The following CLVS1 variants were observed in gnomAD, a reference collection of about 807,000 sequenced individuals.
The protein encoded by CLVS1 is clavesin-1.
CLVS1 carries 10 observed loss-of-function variants against 33.1 expected under a neutral mutation model. That is an observed-to-expected ratio of 0.30 (90% confidence interval 0.19 to 0.51). The LOEUF (loss-of-function observed/expected upper bound fraction) is 0.51. Among genes scored for constraint, CLVS1 ranks in the 20% least tolerant of loss-of-function variants. CLVS1 has a pLI of 0.97. For synonymous variants in CLVS1, 163 were observed against 166.1 expected (o/e 0.98, Z 0.14); for missense variants, 343 against 433.4 (o/e 0.79, Z 1.85).
chr8:61,405,347 T>A (rs777923984), intron 3 of CLVS1, among the ~76,000 whole-genome samples: 1 of 152,174 alleles, frequency 6.6e-6, no homozygotes, highest in Non-Finnish European at 1.5e-5. Flanking sequence ...GGTGTTTAAG[T>A]GTAAAAAGCA....
At chr8:61,492,652 C>T (rs1388570915) in intron 5 of CLVS1, among the ~76,000 whole-genome samples, 1 of 152,184 alleles carries the variant, frequency 6.6e-6, no homozygotes, top group Non-Finnish European at 1.5e-5. Flanking sequence ...ATTTGGCTCA[C>T]TCTAAAAATA....
chr8:61,222,430 A>T (rs532243402), intron 2 of CLVS1, among the ~76,000 whole-genome samples: 1 of 152,004 alleles, frequency 6.6e-6, no homozygotes, highest in South Asian at 2.1e-4. Context: ...TGCCTTAATT[A>T]TTTACCCAGG....
chr8:61,432,552 G>A (rs1006038695), intron 3 of CLVS1, among the ~76,000 whole-genome samples: 4 of 152,174 alleles, frequency 2.6e-5, no homozygotes, highest in East Asian at 1.9e-4. Flanking sequence ...AAGGAGAGAG[G>A]CCTCGGAAGA....
chr8:61,328,491 T>C (rs10429447), intron 2 of CLVS1, among the ~76,000 whole-genome samples: 17,144 of 152,004 alleles, frequency 0.11, 2,570 homozygotes, highest in African/African-American at 0.34. Context: ...CCTTAGCATA[T>C]ATTACCAGCT....
At chr8:61,250,199 G>A (rs1475271485) in intron 2 of CLVS1, among the ~76,000 whole-genome samples, 1 of 152,086 alleles carries the variant, frequency 6.6e-6, no homozygotes, top group East Asian at 1.9e-4. Context: ...GTTTGTTTAT[G>A]TCAGGTTTGT....
intron 2 of CLVS1, among the ~76,000 whole-genome samples, chr8:61,251,091 T>G (rs28862884): frequency 6.6e-6 from 1 of 151,928 alleles, no homozygotes; most frequent in South Asian, 2.1e-4. Flanking sequence ...TACGTTCCAT[T>G]GATACCTAGT....
chr8:61,435,875 C>A (rs563856518), intron 3 of CLVS1, among the ~76,000 whole-genome samples: 1 of 152,136 alleles, frequency 6.6e-6, no homozygotes, highest in East Asian at 1.9e-4. Context: ...TTCATAAATT[C>A]TTGAATTCAT....
chr8:61,368,976 C>T (rs997084128), intron 2 of CLVS1, among the ~76,000 whole-genome samples: 1 of 152,018 alleles, frequency 6.6e-6, no homozygotes, highest in Admixed American at 6.6e-5. Context: ...TCTTTCCTTT[C>T]CTTTCCTTTT....
chr8:60,966,349 G>A, the CLVS1 span: 5 of 455,510 alleles, frequency 1.1e-5, no homozygotes, highest in Non-Finnish European at 4.4e-6. Flanking sequence ...CCTTTTCACG[G>A]AGATGACAAG....
At chr8:61,201,265 A>C (rs1807726813) in intron 2 of CLVS1, among the ~76,000 whole-genome samples, 1 of 152,202 alleles carries the variant, frequency 6.6e-6, no homozygotes, top group Non-Finnish European at 1.5e-5. Flanking sequence ...AGATGGAAGG[A>C]AGCTCAGGAG....
At chr8:61,020,178 C>T in the CLVS1 span, among the ~76,000 whole-genome samples, 2 of 152,294 alleles carry the variant, frequency 1.3e-5, no homozygotes, top group South Asian at 4.1e-4. Flanking sequence ...TGACATTGGT[C>T]TCCCTGCCAA....
At chr8:61,484,069 C>T (rs542403976) in intron 5 of CLVS1, among the ~76,000 whole-genome samples, 2 of 152,176 alleles carry the variant, frequency 1.3e-5, no homozygotes, top group Non-Finnish European at 2.9e-5. Flanking sequence ...TCCTATTCAA[C>T]CTACTGTTGG....
At chr8:61,342,802 A>G (rs1334135715) in intron 2 of CLVS1, among the ~76,000 whole-genome samples, 1 of 152,218 alleles carries the variant, frequency 6.6e-6, no homozygotes. Context: ...TAGGAGATCA[A>G]CTGTGTGCTG....
At chr8:61,475,245 C>A (rs1386967404) in intron 5 of CLVS1, among the ~76,000 whole-genome samples, 1 of 152,074 alleles carries the variant, frequency 6.6e-6, no homozygotes, top group Non-Finnish European at 1.5e-5. Flanking sequence ...TGAATAGTGC[C>A]GCAATAAACA....
intron 2 of CLVS1, among the ~76,000 whole-genome samples, chr8:61,321,601 C>T (rs1324005073): frequency 1.3e-5 from 2 of 152,164 alleles, no homozygotes; most frequent in East Asian, 1.9e-4. Flanking sequence ...CATATTGCTT[C>T]GGCTGATGAC....
chr8:61,221,758 G>C (rs1808222513), intron 2 of CLVS1, among the ~76,000 whole-genome samples: 1 of 152,140 alleles, frequency 6.6e-6, no homozygotes, highest in Admixed American at 6.5e-5. Context: ...CAGAACCAAT[G>C]GTACCAGCTT....
At chr8:61,352,495 GA>G (rs1812510195) in intron 2 of CLVS1, among the ~76,000 whole-genome samples, 1 of 151,966 alleles carries the variant, frequency 6.6e-6, no homozygotes, top group Non-Finnish European at 1.5e-5. Context: ...AGTGGATTAA[GA>G]AATCAAGCTT....
In CLVS1 at chr8:61,328,737, C is replaced by T. The variant is rs1052949312; in HGVS notation, c.455+28455C>T. Among the ~76,000 whole-genome samples the T allele has an allele frequency of 5.9e-5, 9 of 152,116 alleles. No individual in the cohort carries two copies. The South Asian group carries it at 6.2e-4, about 11-fold the overall frequency. On this transcript the variant is annotated intron_variant, in intron 2 of 5. Coordinates refer to ENST00000325897, the MANE Select transcript of CLVS1 (RefSeq NM_173519.3). Reference sequence around the variant, plus strand: ...CTGTGTTTTCATGTTTTCCCACTTACGTTGGTTGTCTCTCAGCAGGAGGGA... The same window carrying T: ...CTGTGTTTTCATGTTTTCCCACTTATGTTGGTTGTCTCTCAGCAGGAGGGA...
At chr8:61,298,102 T>C (rs932990049) in intron 1 of CLVS1, among the ~76,000 whole-genome samples, 2 of 152,152 alleles carry the variant, frequency 1.3e-5, no homozygotes, top group South Asian at 4.1e-4. Flanking sequence ...TTCAGCAGCA[T>C]GTCACAGATA....
Sources: allele counts gnomAD v4.1 joint callset (sites outside exome capture counted in the v4.1 genomes callset), GRCh38; gene constraint gnomAD v4.1.1; transcripts MANE v1.5; gene names NCBI Gene and HGNC (gene_info 2026-07-23, HGNC 2026-07-21).